SCAMP1: variants seen among roughly 807,000 people sequenced by gnomAD.
The protein encoded by SCAMP1 is secretory carrier-associated membrane protein 1.
SCAMP1 carries 15 observed loss-of-function variants against 41.8 expected under a neutral mutation model. That is an observed-to-expected ratio of 0.36 (90% CI 0.24 to 0.55). The LOEUF (loss-of-function observed/expected upper bound fraction) is 0.55, where lower values mean the gene tolerates loss of function less well. Ranked by LOEUF, SCAMP1 falls within the 20% of genes least tolerant of loss-of-function variation. The pLI is 0.86. For missense variants in SCAMP1, 341 were observed against 412.6 expected, an observed-to-expected ratio of 0.83 and a Z score of 1.50; for synonymous variants, 135 against 136.8, an observed-to-expected ratio of 0.99 and a Z score of 0.09.
At chr5:78,448,870 C>T (rs1246321197) in intron 6 of SCAMP1, among the ~76,000 whole-genome samples, 1 of 152,080 alleles carries the variant, frequency 6.6e-6, no homozygotes, top group African/African-American at 2.4e-5. Context: ...CATGGTGGCC[C>T]ATGCCTGTAA....
chr5:78,370,950 T>G (rs1394999893), intron 1 of SCAMP1: 2 of 152,224 alleles, frequency 1.3e-5, no homozygotes, highest in African/African-American at 4.8e-5. Context: ...TCTCATTTGC[T>G]TATTGACATT....
At chr5:78,362,895 C>CTTTTTTTTT (rs397962842) in intron 1 of SCAMP1, among the ~76,000 whole-genome samples, 2 of 136,606 alleles carry the variant, frequency 1.5e-5, no homozygotes, top group Non-Finnish European at 1.5e-5. Context: ...TCTTTTTTTA[C>CTTTTTTTTT]TTTTTTTTTT....
intron 6 of SCAMP1, among the ~76,000 whole-genome samples, chr5:78,426,512 T>G (rs1752474439): frequency 6.6e-6 from 1 of 152,204 alleles, no homozygotes; most frequent in Admixed American, 6.5e-5. Flanking sequence ...CTCATTGTGG[T>G]TTTAATTTGC....
chr5:78,451,969 G>A (rs1413978855), intron 7 of SCAMP1, among the ~76,000 whole-genome samples: 1 of 152,032 alleles, frequency 6.6e-6, no homozygotes. Flanking sequence ...TTTTATTTTT[G>A]AGTAGTATTC....
Position 78,407,665 on chromosome 5 carries a change from G to A in SCAMP1, c.136-7855G>A, listed in dbSNP as rs1368994778. Among the ~76,000 whole-genome samples the A allele has an allele frequency of 2.7e-5, 4 of 148,588 alleles. 1 individual carries two copies. The highest frequency in any genetic ancestry group is 2.0e-4 in the Admixed American group (3 of 14,956). On this transcript the variant is annotated intron_variant, in intron 2 of 8. Coordinates refer to ENST00000621999, the MANE Select transcript of SCAMP1 (RefSeq NM_004866.6). ...TCCCCTCTGGACCTCTTAATTGTAT[G>A]TTAGACCTTCTCAATCATCATGTCT... is the stretch of plus-strand genomic sequence containing the variant.
chr5:78,420,947 T>C (rs1752325471), intron 5 of SCAMP1, among the ~76,000 whole-genome samples: 1 of 152,238 alleles, frequency 6.6e-6, no homozygotes, highest in African/African-American at 2.4e-5. Flanking sequence ...ATAATTTACA[T>C]TAAACATCAT....
intron 6 of SCAMP1, among the ~76,000 whole-genome samples, chr5:78,428,427 A>G (rs1580687196): frequency 6.6e-6 from 1 of 152,140 alleles, no homozygotes; most frequent in East Asian, 1.9e-4. Flanking sequence ...TTGCAAATCC[A>G]TTGACCAGTG....
rs890921975 is a variant in SCAMP1, at chr5:78,477,135, C to T, written c.*1467C>T. 12 of 152,102 alleles carry T rather than the reference C, an allele frequency of 7.9e-5. No individual in the cohort carries two copies. Among genetic ancestry groups the T allele is most frequent in the Admixed American group, 5.2e-4 (8 of 15,272 alleles). The allele number at this position is 152,102 out of a possible 1,614,324, so 9.4% of individuals were successfully genotyped here. ...CAGATAGGCATAAATAGTTAAATCA[C>T]TTTCATTCTCCCCAAACCTGTAGTT... On this transcript the variant is annotated 3_prime_UTR_variant, in exon 9 of 9. Transcript: ENST00000621999.
At position 78,449,918 on chromosome 5, in the gene SCAMP1, T is replaced by C. The variant is rs368871194; in HGVS notation, c.633-15T>C. ...CTAACCCCCTTTTTTCTTTCTTTCT[T>C]TTTTTTTTTCAAAGGAGTGACAGTT... On this transcript the variant is annotated splice_polypyrimidine_tract_variant and intron_variant, in intron 6 of 8. Coordinates refer to ENST00000621999, the MANE Select transcript of SCAMP1 (RefSeq NM_004866.6). 3 of 1,377,890 alleles carry C rather than the reference T, an allele frequency of 2.2e-6. No homozygotes were observed. The African/African-American group carries it at 4.5e-5, about 21-fold the overall frequency. 85.4% of individuals were successfully genotyped at this position (1,377,890 alleles called of 1,614,324 possible). A position where few individuals can be genotyped will look rare whatever the true frequency, so the allele number is the denominator to read the frequency against.
chr5:78,472,635 A>G (rs1753912780), intron 8 of SCAMP1, among the ~76,000 whole-genome samples: 1 of 152,070 alleles, frequency 6.6e-6, no homozygotes, highest in Non-Finnish European at 1.5e-5. Flanking sequence ...AGCATTATGC[A>G]CTGTATATAT....
intron 1 of SCAMP1, among the ~76,000 whole-genome samples, chr5:78,387,993 G>T (rs144923854): frequency 3.9e-5 from 6 of 152,334 alleles, no homozygotes; most frequent in African/African-American, 1.4e-4. Context: ...GGACCATAGA[G>T]CTCCCAAGAG....
At chr5:78,361,373 C>G (rs1346354305) in intron 1 of SCAMP1, among the ~76,000 whole-genome samples, 1 of 152,188 alleles carries the variant, frequency 6.6e-6, no homozygotes, top group Non-Finnish European at 1.5e-5. Flanking sequence ...ATAAACATAT[C>G]TGGAAAACAA....
intron 7 of SCAMP1, among the ~76,000 whole-genome samples, chr5:78,451,081 AAGTG>A (rs1450436753): frequency 2.0e-5 from 3 of 152,336 alleles, no homozygotes; most frequent in South Asian, 4.1e-4. Context: ...ATTCTCGTGA[AAGTG>A]AGGTAATTTC....
At chr5:78,454,583 G>C (rs1222934736) in intron 7 of SCAMP1, among the ~76,000 whole-genome samples, 2 of 151,978 alleles carry the variant, frequency 1.3e-5, no homozygotes, top group East Asian at 1.9e-4. Context: ...GATTCGTTTT[G>C]CCAGTATTTT....
intron 1 of SCAMP1, among the ~76,000 whole-genome samples, chr5:78,380,585 A>G (rs901858012): frequency 6.6e-6 from 1 of 152,094 alleles, no homozygotes; most frequent in Non-Finnish European, 1.5e-5. Flanking sequence ...AACTATCTTT[A>G]TGCTTATTTT....
At chr5:78,388,413 A>G (rs369812860) in intron 1 of SCAMP1, among the ~76,000 whole-genome samples, 26 of 152,268 alleles carry the variant, frequency 1.7e-4, no homozygotes, top group Admixed American at 1.7e-3. Context: ...TGTTGGCTGT[A>G]TGACATTGAT....
chr5:78,465,030 A>G (rs1179041186), intron 8 of SCAMP1, among the ~76,000 whole-genome samples: 1 of 152,122 alleles, frequency 6.6e-6, no homozygotes, highest in African/African-American at 2.4e-5. Flanking sequence ...CTTCTCTGCT[A>G]TTTGAAGACC....
chr5:78,361,021 C>G (rs1048216936), intron 1 of SCAMP1: 2 of 366,194 alleles, frequency 5.5e-6, no homozygotes, highest in Non-Finnish European at 1.0e-5. Flanking sequence ...CCGGAGGGGT[C>G]CTGGCCCGCC....
intron 1 of SCAMP1, among the ~76,000 whole-genome samples, chr5:78,386,414 G>A (rs1751342177): frequency 6.6e-6 from 1 of 152,052 alleles, no homozygotes; most frequent in Non-Finnish European, 1.5e-5. Context: ...CTGCCATTCT[G>A]TATCCTTTAA....
Sources: allele counts gnomAD v4.1 joint callset (sites outside exome capture counted in the v4.1 genomes callset), GRCh38; gene constraint gnomAD v4.1.1; transcripts MANE v1.5; gene names NCBI Gene and HGNC (gene_info 2026-07-23, HGNC 2026-07-21).